The following FAM185A variants were observed in gnomAD, a reference collection of about 807,000 sequenced individuals.
FAM185A encodes the protein family with sequence similarity 185 member A.
FAM185A carries 21 observed loss-of-function variants against 45.7 expected under a neutral mutation model. That is an observed-to-expected ratio of 0.46 (90% CI 0.33 to 0.66). The LOEUF (loss-of-function observed/expected upper bound fraction) is 0.66. Ranked by LOEUF, FAM185A falls within the 30% of genes least tolerant of loss-of-function variation. The pLI is 0.03. For missense variants in FAM185A, 305 were observed against 485.4 expected, an observed-to-expected ratio of 0.63 and a Z score of 3.49; for synonymous variants, 117 against 194.0, an observed-to-expected ratio of 0.60 and a Z score of 3.30.
chr7:102,803,295 T>C (rs1796902575), intron 7 of FAM185A, among the ~76,000 whole-genome samples: 1 of 152,146 alleles, frequency 6.6e-6, no homozygotes, highest in Admixed American at 6.5e-5. Context: ...AAATACTAGC[T>C]AACCGAATCC....
chr7:102,812,250 C>A (rs1047854069), downstream of FAM185A, among the ~76,000 whole-genome samples: 4 of 152,212 alleles, frequency 2.6e-5, no homozygotes, highest in Admixed American at 6.5e-5. Context: ...AGCACATATA[C>A]TAAAACCTAC....
At chr7:102,836,019 T>C in the FAM185A span, among the ~76,000 whole-genome samples, 1 of 152,162 alleles carries the variant, frequency 6.6e-6, no homozygotes. Context: ...ACTATAAGAA[T>C]AATTTATTGA....
intron 4 of FAM185A, among the ~76,000 whole-genome samples, chr7:102,761,678 T>C (rs143253253): frequency 0.012 from 1,883 of 152,164 alleles, 16 homozygotes; most frequent in Middle Eastern, 0.037. Flanking sequence ...TTTCTTTTTT[T>C]TTTGAGACAG....
At chr7:102,844,170 C>G in the FAM185A span, among the ~76,000 whole-genome samples, 1 of 152,234 alleles carries the variant, frequency 6.6e-6, no homozygotes, top group African/African-American at 2.4e-5. Context: ...AGCAGATGAA[C>G]TGTCTCTGTT....
chr7:102,754,970 TA>T (rs1793613556), intron 2 of FAM185A: 1 of 208,398 alleles, frequency 4.8e-6, no homozygotes, highest in Non-Finnish European at 9.4e-6. Context: ...AGCTTTAAAT[TA>T]TAACAGTAGC....
At chr7:102,758,443 T>A (rs1192475875) in intron 3 of FAM185A, among the ~76,000 whole-genome samples, 6 of 146,646 alleles carry the variant, frequency 4.1e-5, no homozygotes, top group Admixed American at 6.8e-5. Context: ...TTTTTTTTTT[T>A]TTTTTTTTTT....
At chr7:102,846,590 T>C in the FAM185A span, among the ~76,000 whole-genome samples, 1,649 of 140,592 alleles carry the variant, frequency 0.012, 34 homozygotes, top group African/African-American at 0.043. Flanking sequence ...CATACAAGCC[T>C]GGGCAACAGA....
chr7:102,788,276 G>A (rs1473630150), intron 7 of FAM185A, among the ~76,000 whole-genome samples: 1 of 152,082 alleles, frequency 6.6e-6, no homozygotes, highest in Non-Finnish European at 1.5e-5. Context: ...GCCAAGGTTT[G>A]TTGTTTTAAT....
intron 7 of FAM185A, among the ~76,000 whole-genome samples, chr7:102,794,451 G>A (rs1482814944): frequency 2.0e-5 from 3 of 152,056 alleles, no homozygotes; most frequent in African/African-American, 7.2e-5. Context: ...ATTAAAACCA[G>A]AATAAAATAC....
At chr7:102,790,542 G>A (rs1426633969) in intron 7 of FAM185A, among the ~76,000 whole-genome samples, 1 of 152,150 alleles carries the variant, frequency 6.6e-6, no homozygotes, top group Non-Finnish European at 1.5e-5. Flanking sequence ...CTGAATCATA[G>A]CATAACCAAA....
chr7:102,840,641 C>T, the FAM185A span, among the ~76,000 whole-genome samples: 3 of 152,158 alleles, frequency 2.0e-5, no homozygotes, highest in African/African-American at 7.2e-5. Flanking sequence ...AAAGAGTTCA[C>T]GAACTATTAT....
intron 4 of FAM185A, among the ~76,000 whole-genome samples, chr7:102,764,855 G>A (rs554884192): frequency 6.6e-6 from 1 of 152,096 alleles, no homozygotes; most frequent in South Asian, 2.1e-4. Context: ...TATAGATGTT[G>A]TAAAAACCAT....
chr7:102,831,033 C>T, the FAM185A span, among the ~76,000 whole-genome samples: 4 of 152,104 alleles, frequency 2.6e-5, no homozygotes, highest in Non-Finnish European at 5.9e-5. Flanking sequence ...GGATGATCTA[C>T]GTGTGTTATT....
At chr7:102,806,291 TCTC>T (rs1188546743) in intron 7 of FAM185A, among the ~76,000 whole-genome samples, 1 of 152,108 alleles carries the variant, frequency 6.6e-6, no homozygotes. Flanking sequence ...TTCAAGCAAT[TCTC>T]CTACCTCAGC....
the FAM185A span, among the ~76,000 whole-genome samples, chr7:102,821,499 T>C: frequency 6.6e-6 from 1 of 152,354 alleles, no homozygotes; most frequent in South Asian, 2.1e-4. Flanking sequence ...ATCTACATGC[T>C]TGAGCCACAT....
chr7:102,787,827 G>T (rs1179476792), intron 7 of FAM185A, among the ~76,000 whole-genome samples: 4 of 152,164 alleles, frequency 2.6e-5, no homozygotes, highest in Non-Finnish European at 5.9e-5. Context: ...TCGGAATTTT[G>T]TTTGGTATGT....
intron 6 of FAM185A, among the ~76,000 whole-genome samples, chr7:102,783,879 A>G (rs1795588110): frequency 6.6e-6 from 1 of 152,244 alleles, no homozygotes; most frequent in South Asian, 2.1e-4. Context: ...CCTTCAAAAA[A>G]TCAATGAATG....
chr7:102,783,797 T>A (rs1795577262), intron 6 of FAM185A, among the ~76,000 whole-genome samples: 1 of 151,952 alleles, frequency 6.6e-6, no homozygotes, highest in African/African-American at 2.4e-5. Flanking sequence ...AGCAAACACA[T>A]TCAAAAACTA....
chr7:102,820,404 A>G, the FAM185A span, among the ~76,000 whole-genome samples: 3 of 152,362 alleles, frequency 2.0e-5, no homozygotes, highest in South Asian at 4.1e-4. Context: ...TTAGAGTTCT[A>G]CATTGGGGTT....
Sources: allele counts gnomAD v4.1 joint callset (sites outside exome capture counted in the v4.1 genomes callset), GRCh38; gene constraint gnomAD v4.1.1; transcripts MANE v1.5; gene names NCBI Gene and HGNC (gene_info 2026-07-23, HGNC 2026-07-21).